The following FMN1 variants were observed in gnomAD, a reference collection of about 807,000 sequenced individuals.
FMN1 encodes the protein formin 1.
A neutral mutation model predicts 132.4 loss-of-function variants in FMN1; 110 were observed. The observed-to-expected ratio is 0.83, with a 90% confidence interval of 0.71 to 0.97. The LOEUF (loss-of-function observed/expected upper bound fraction) is 0.97. Among genes scored for constraint, FMN1 ranks in the 50% least tolerant of loss-of-function variants. FMN1 has a pLI of 0.00. For missense variants in FMN1, 1,792 were observed against 1,705.3 expected (o/e 1.05, Z -0.90); for synonymous variants, 722 against 651.7 (o/e 1.11, Z -1.64).
intron 19 of FMN1, among the ~76,000 whole-genome samples, chr15:32,788,907 T>C (rs1383582077): frequency 1.3e-5 from 2 of 152,234 alleles, no homozygotes; most frequent in African/African-American, 2.4e-5. Context: ...TCTTTCTTGT[T>C]CTGAACATGT....
intron 5 of FMN1, among the ~76,000 whole-genome samples, chr15:33,083,756 T>G (rs1205707970): frequency 6.6e-6 from 1 of 152,138 alleles, no homozygotes; most frequent in Non-Finnish European, 1.5e-5. Flanking sequence ...CCTAGTAGAT[T>G]AGGCATTCTT....
At chr15:32,943,080 G>A (rs2061432964) in intron 9 of FMN1, among the ~76,000 whole-genome samples, 1 of 152,194 alleles carries the variant, frequency 6.6e-6, no homozygotes, top group Non-Finnish European at 1.5e-5. Context: ...AAAATGCTCA[G>A]TGGGGTATTT....
rs187240306 is a variant in FMN1, at chr15:33,097,653, G to C, written c.1868-8679C>G. ...TAGTGGGGAGGAGGGCAGACAGAGAGATAAACAGAGAACTTCCATAATGAT... is the reference window on the plus strand; with the variant it reads ...TAGTGGGGAGGAGGGCAGACAGAGACATAAACAGAGAACTTCCATAATGAT... On this transcript the variant is annotated intron_variant, in intron 4 of 20. Transcript: ENST00000616417. 5.3e-5 allele frequency among the ~76,000 whole-genome samples: 8 copies of C among 152,248 alleles called. 1 individual carries two copies. Among genetic ancestry groups the C allele is most frequent in the African/African-American group, 1.9e-4 (8 of 41,530 alleles).
chr15:33,142,886 C>T (rs542312470), intron 4 of FMN1, among the ~76,000 whole-genome samples: 13 of 152,310 alleles, frequency 8.5e-5, no homozygotes, highest in South Asian at 8.3e-4. Context: ...TTGGTTCAGA[C>T]GTGCTGTCCT....
At chr15:33,070,186 G>A (rs1187225265) in intron 5 of FMN1, among the ~76,000 whole-genome samples, 5 of 151,220 alleles carry the variant, frequency 3.3e-5, no homozygotes. Flanking sequence ...TGTATTTTTA[G>A]TAGAGACAAG....
intron 9 of FMN1, among the ~76,000 whole-genome samples, chr15:32,943,247 T>G (rs2061436120): frequency 6.6e-6 from 1 of 152,222 alleles, no homozygotes; most frequent in African/African-American, 2.4e-5. Flanking sequence ...GTGTAAATGA[T>G]CTGGCCTTTC....
At chr15:33,105,515 G>A (rs1211693680) in intron 4 of FMN1, among the ~76,000 whole-genome samples, 1 of 152,086 alleles carries the variant, frequency 6.6e-6, no homozygotes, top group African/African-American at 2.4e-5. Context: ...AAAGAATCCA[G>A]ACCAGCTGAA....
chr15:32,922,113 T>A (rs1157175717), intron 10 of FMN1, among the ~76,000 whole-genome samples: 1 of 152,208 alleles, frequency 6.6e-6, no homozygotes, highest in Non-Finnish European at 1.5e-5. Flanking sequence ...AATGTTGGGC[T>A]GCTTTACATC....
Position 32,901,949 on chromosome 15 carries a change from A to G in FMN1, c.3469T>C (p.Leu1157=). Residue 1157 remains leucine, a synonymous_variant, in exon 13 of 21, where the codon TTG becomes CTG. Coordinates refer to ENST00000616417, the MANE Select transcript of FMN1 (RefSeq NM_001277313.2). ...GTGATGATCTCTACCTTTCTGTGCA[A>G]GGAGGTGATACCCTCAGAAAAGACA... ...RSVFSEGITS[L]HRKVEIITRA... 1 of 1,613,196 alleles carries G rather than the reference A, an allele frequency of 6.2e-7. No individual in the cohort carries two copies.
chr15:32,897,326 T>A (rs2060184299), intron 15 of FMN1, among the ~76,000 whole-genome samples: 1 of 152,238 alleles, frequency 6.6e-6, no homozygotes, highest in African/African-American at 2.4e-5. Flanking sequence ...ATTACGTGAA[T>A]GTATTCACAA....
intron 6 of FMN1, among the ~76,000 whole-genome samples, chr15:33,013,881 C>A (rs1211799418): frequency 6.6e-6 from 1 of 152,208 alleles, no homozygotes; most frequent in Non-Finnish European, 1.5e-5. Context: ...AGAAATTATA[C>A]AGACTATATT....
At chr15:33,047,427 A>T (rs186931087) in intron 6 of FMN1, among the ~76,000 whole-genome samples, 50 of 152,306 alleles carry the variant, frequency 3.3e-4, no homozygotes, top group African/African-American at 8.7e-4. Context: ...TAAGATATTT[A>T]AAAAAACTTT....
At chr15:32,957,513 C>G (rs2029947324) in intron 9 of FMN1, among the ~76,000 whole-genome samples, 1 of 151,802 alleles carries the variant, frequency 6.6e-6, no homozygotes, top group South Asian at 2.1e-4. Context: ...TACTAGATGT[C>G]CGAATGTATC....
chr15:32,994,835 T>C (rs1056307037), intron 7 of FMN1, among the ~76,000 whole-genome samples: 1 of 152,250 alleles, frequency 6.6e-6, no homozygotes, highest in Non-Finnish European at 1.5e-5. Context: ...TAGCATGTAC[T>C]GTCTCTGTAA....
At chr15:33,071,686 G>A (rs913728366) in intron 5 of FMN1, among the ~76,000 whole-genome samples, 3 of 152,078 alleles carry the variant, frequency 2.0e-5, no homozygotes, top group African/African-American at 4.8e-5. Flanking sequence ...ACAGGAGCAC[G>A]AGTAAGATTC....
chr15:32,900,229 T>C (rs757284092), intron 13 of FMN1, 104 bp from the exon 14 acceptor site: 3 of 1,232,122 alleles, frequency 2.4e-6, no homozygotes, highest in Non-Finnish European at 3.5e-6. Context: ...TCGGGAGGCT[T>C]GGTACCAACA....
chr15:32,823,428 T>G (rs1427769096), intron 17 of FMN1, among the ~76,000 whole-genome samples: 1 of 152,104 alleles, frequency 6.6e-6, no homozygotes, highest in Non-Finnish European at 1.5e-5. Context: ...CCTCCCAAAG[T>G]GCTGGGATTA....
intron 5 of FMN1, among the ~76,000 whole-genome samples, chr15:33,070,084 C>T (rs1310589051): frequency 1.4e-5 from 2 of 142,482 alleles, no homozygotes; most frequent in African/African-American, 5.1e-5. Context: ...CCGCTCACCA[C>T]AACCCCCGCC....
chr15:32,810,954 A>G (rs2057855423), intron 17 of FMN1: 1 of 455,996 alleles, frequency 2.2e-6, no homozygotes, highest in African/African-American at 2.0e-5. Context: ...GCTAACGAGG[A>G]AACAAAGGGA....
Sources: allele counts gnomAD v4.1 joint callset (sites outside exome capture counted in the v4.1 genomes callset), GRCh38; gene constraint gnomAD v4.1.1; transcripts MANE v1.5; gene names NCBI Gene and HGNC (gene_info 2026-07-23, HGNC 2026-07-21).